The following RGS12 variants were observed in gnomAD, a reference collection of about 807,000 sequenced individuals.
RGS12 encodes regulator of G protein signaling 12, also known as regulator of G-protein signaling 12.
A neutral mutation model predicts 120.1 loss-of-function variants in RGS12; 66 were observed. The observed-to-expected ratio is 0.55, with a 90% CI of 0.45 to 0.67. The LOEUF (loss-of-function observed/expected upper bound fraction) is 0.67, where lower values mean the gene tolerates loss of function less well. RGS12 is among the 30% of genes least tolerant of loss of function. RGS12 has a pLI of 0.00. For synonymous variants in RGS12, 827 were observed against 804.7 expected, an observed-to-expected ratio of 1.03 and a Z score of -0.47; for missense variants, 1,859 against 1,957.7, an observed-to-expected ratio of 0.95 and a Z score of 0.95.
chr4:3,423,665 C>A, intron 13 of RGS12, 24 bp downstream of exon 13: 1 of 1,593,292 alleles, frequency 6.3e-7, no homozygotes, highest in Non-Finnish European at 8.5e-7. Context: ...GGGGCCCGGG[C>A]GTCGTCACCG....
intron 4 of RGS12, among the ~76,000 whole-genome samples, chr4:3,410,919 G>T (rs1235833905): frequency 6.6e-6 from 1 of 152,272 alleles, no homozygotes; most frequent in Non-Finnish European, 1.5e-5. Flanking sequence ...CCTGTGTGAT[G>T]TGTGGCCGGT....
intron 3 of RGS12, among the ~76,000 whole-genome samples, chr4:3,368,341 C>CTG (rs576154049): frequency 6.7e-6 from 1 of 149,768 alleles, no homozygotes; most frequent in Non-Finnish European, 1.5e-5. Context: ...GTGTGTGTGC[C>CTG]TGTGTGTGTG....
intron 1 of RGS12, among the ~76,000 whole-genome samples, chr4:3,302,973 C>T (rs898461252): frequency 2.6e-5 from 4 of 152,164 alleles, no homozygotes; most frequent in Admixed American, 1.3e-4. Flanking sequence ...AGTTCAGGAC[C>T]GTCACTGGTT....
intron 1 of RGS12, among the ~76,000 whole-genome samples, chr4:3,299,263 G>A (rs374192111): frequency 1.3e-5 from 2 of 152,086 alleles, no homozygotes; most frequent in South Asian, 2.1e-4. Flanking sequence ...CAGATCTCAC[G>A]ACTGCCTCTT....
intron 4 of RGS12, among the ~76,000 whole-genome samples, chr4:3,401,435 C>A (rs1720571550): frequency 6.6e-6 from 1 of 152,210 alleles, no homozygotes; most frequent in Admixed American, 6.5e-5. Context: ...CTAGGATGTG[C>A]CTCGCACTGT....
chr4:3,323,744 GGGTAGGTTCCTA>G (rs1255809442), intron 2 of RGS12, among the ~76,000 whole-genome samples: 3 of 152,066 alleles, frequency 2.0e-5, no homozygotes, highest in African/African-American at 7.2e-5. Context: ...GTTTTCTTTT[GGGTAGGTTCCTA>G]GATGTGGAAT....
At chr4:3,393,758 G>A (rs1284311360) in intron 4 of RGS12, among the ~76,000 whole-genome samples, 1 of 152,172 alleles carries the variant, frequency 6.6e-6, no homozygotes, top group African/African-American at 2.4e-5. Context: ...GCTCTCCCAC[G>A]GCAGATAGAG....
At chr4:3,313,960 C>A (rs1266799333) in intron 1 of RGS12, among the ~76,000 whole-genome samples, 1 of 151,794 alleles carries the variant, frequency 6.6e-6, no homozygotes, top group Admixed American at 6.6e-5. Flanking sequence ...GTTTCTTGGC[C>A]AACTTTTACA....
chr4:3,309,612 G>GA (rs1228121185), intron 1 of RGS12, among the ~76,000 whole-genome samples: 4 of 128,964 alleles, frequency 3.1e-5, no homozygotes, highest in Non-Finnish European at 4.8e-5. Context: ...TGGGACCTGG[G>GA]AATGGCAGGT....
chr4:3,342,887 A>G, intron 2 of RGS12, 50 bp from the exon 3 acceptor site: 1 of 1,258,950 alleles, frequency 7.9e-7, no homozygotes, highest in Non-Finnish European at 1.2e-6. Context: ...GACAAGACTA[A>G]ACATCTCTTT....
At chr4:3,405,852 G>T (rs1405767555) in intron 4 of RGS12, among the ~76,000 whole-genome samples, 1 of 152,126 alleles carries the variant, frequency 6.6e-6, no homozygotes, top group African/African-American at 2.4e-5. Context: ...AACGGATATG[G>T]GAGTCCCTTT....
chr4:3,439,100 G>A (rs1010400661), intron 17 of RGS12, among the ~76,000 whole-genome samples: 2 of 151,970 alleles, frequency 1.3e-5, no homozygotes, highest in African/African-American at 4.8e-5. Context: ...GGGGGCCCCT[G>A]AGGACGCCCC....
Position 3,334,006 on chromosome 4 carries a change from C to T in RGS12, c.1882-8931C>T, listed in dbSNP as rs556151036. 2.8e-4 allele frequency among the ~76,000 whole-genome samples: 42 copies of T among 152,210 alleles called. No homozygotes were observed. In the South Asian group the frequency reaches 8.5e-3, roughly 31 times the overall value. ...ATCTTTAATTAAATTTATTCTCTAG[C>T]TAGATTTATTTCTTGGTACCTTATA... On this transcript the variant is annotated intron_variant, in intron 2 of 17. Transcript: ENST00000336727.
At chr4:3,381,605 A>G (rs1578877234) in intron 3 of RGS12, among the ~76,000 whole-genome samples, 1 of 152,320 alleles carries the variant, frequency 6.6e-6, no homozygotes, top group East Asian at 1.9e-4. Flanking sequence ...CAAAAGAGGG[A>G]CTAACCCCTT....
chr4:3,294,633 A>G (rs1723261378), intron 1 of RGS12, among the ~76,000 whole-genome samples: 1 of 152,070 alleles, frequency 6.6e-6, no homozygotes, highest in Non-Finnish European at 1.5e-5. Context: ...GGCTCAGGCA[A>G]GGGCAGTGGG....
At chr4:3,379,889 CCT>C (rs1718089557) in intron 3 of RGS12, among the ~76,000 whole-genome samples, 1 of 152,136 alleles carries the variant, frequency 6.6e-6, no homozygotes, top group African/African-American at 2.4e-5. Context: ...TCGTTCCACC[CCT>C]GACCCCTCCA....
intron 2 of RGS12, among the ~76,000 whole-genome samples, chr4:3,331,631 G>A (rs1560091681): frequency 1.3e-5 from 2 of 151,766 alleles, no homozygotes; most frequent in Admixed American, 6.6e-5. Context: ...AAAAAAGTGT[G>A]GATAATTCTA....
At chr4:3,422,770 G>A in intron 11 of RGS12, 135 bp from the exon 12 acceptor site, 1 of 992,628 alleles carries the variant, frequency 1.0e-6, no homozygotes, top group Non-Finnish European at 1.5e-6. Flanking sequence ...TGTGGAAAGG[G>A]TGATCGCTTT....
At chr4:3,385,239 G>T (rs369510657) in intron 3 of RGS12, 1 of 152,358 alleles carries the variant, frequency 6.6e-6, no homozygotes, top group Non-Finnish European at 1.5e-5. Flanking sequence ...GGCAGCCCTC[G>T]CCTTGGCAGA....
Sources: gnomAD v4.1 joint callset for allele counts (sites outside exome capture counted in the v4.1 genomes callset) on GRCh38, gnomAD v4.1.1 for gene constraint, MANE v1.5 for transcripts, NCBI Gene and HGNC (gene_info 2026-07-23, HGNC 2026-07-21) for gene names.